The following DLG2 variants were observed in gnomAD, a reference collection of about 807,000 sequenced individuals.
DLG2 encodes the protein discs large MAGUK scaffold protein 2.
DLG2 carries 45 observed loss-of-function variants against 132.5 expected under a neutral mutation model. That is an observed-to-expected ratio of 0.34 (90% CI 0.27 to 0.44). The LOEUF (loss-of-function observed/expected upper bound fraction) is 0.44, where lower values mean the gene tolerates loss of function less well. Ranked by LOEUF, DLG2 falls within the 20% of genes least tolerant of loss-of-function variation. The pLI, the probability that DLG2 is intolerant of heterozygous loss-of-function variation, is 1.00. For synonymous variants in DLG2, 424 were observed against 419.6 expected (o/e 1.01, Z -0.13); for missense variants, 1,045 against 1,196.9 (o/e 0.87, Z 1.87).
intron 6 of DLG2, among the ~76,000 whole-genome samples, chr11:84,685,204 A>C (rs1016621211): frequency 1.3e-5 from 2 of 152,146 alleles, no homozygotes; most frequent in African/African-American, 4.8e-5. Context: ...CATACCATCC[A>C]ACTTCAGTTT....
intron 6 of DLG2, among the ~76,000 whole-genome samples, chr11:84,979,021 A>G (rs1415744405): frequency 2.0e-5 from 3 of 152,208 alleles, no homozygotes; most frequent in Non-Finnish European, 4.4e-5. Flanking sequence ...ACACTTCTCA[A>G]AATAAGACAT....
intron 15 of DLG2, among the ~76,000 whole-genome samples, chr11:83,927,414 G>A (rs2079179791): frequency 6.6e-6 from 1 of 152,114 alleles, no homozygotes; most frequent in Non-Finnish European, 1.5e-5. Context: ...CTCTGAAGAC[G>A]TGCAATTTAA....
intron 6 of DLG2, among the ~76,000 whole-genome samples, chr11:84,781,837 A>G (rs2153910408): frequency 6.6e-6 from 1 of 152,278 alleles, no homozygotes; most frequent in South Asian, 2.1e-4. Flanking sequence ...TTAGTAGTCG[A>G]GAGATTCCAA....
intron 4 of DLG2, among the ~76,000 whole-genome samples, chr11:85,221,046 CT>C (rs375581362): frequency 1.7e-3 from 239 of 142,810 alleles, no homozygotes; most frequent in Middle Eastern, 7.3e-3. Flanking sequence ...GTCAAACTTT[CT>C]TTTTTTTTTT....
At chr11:85,047,841 C>T (rs2062497597) in intron 6 of DLG2, among the ~76,000 whole-genome samples, 1 of 151,822 alleles carries the variant, frequency 6.6e-6, no homozygotes, top group Non-Finnish European at 1.5e-5. Context: ...CAAAAAATCA[C>T]CAGTAAATGT....
intron 7 of DLG2, among the ~76,000 whole-genome samples, chr11:84,489,267 T>C (rs2099158524): frequency 6.6e-6 from 1 of 152,138 alleles, no homozygotes; most frequent in South Asian, 2.1e-4. Flanking sequence ...TGATTATTTA[T>C]GTTCCGAAGG....
At chr11:85,533,066 C>G (rs1391031985) in intron 3 of DLG2, among the ~76,000 whole-genome samples, 1 of 152,100 alleles carries the variant, frequency 6.6e-6, no homozygotes, top group Non-Finnish European at 1.5e-5. Context: ...GTCTATCACT[C>G]AGGCTGAAGT....
intron 22 of DLG2, among the ~76,000 whole-genome samples, chr11:83,482,942 G>T (rs1478345985): frequency 6.6e-6 from 1 of 152,122 alleles, no homozygotes; most frequent in Non-Finnish European, 1.5e-5. Context: ...CTCTATGGAG[G>T]TATTAAGCGG....
intron 6 of DLG2, among the ~76,000 whole-genome samples, chr11:84,557,676 A>G (rs529348312): frequency 6.7e-6 from 1 of 149,694 alleles, no homozygotes; most frequent in East Asian, 2.0e-4. Context: ...TTTTTTTCTG[A>G]GAGAGATATT....
At chr11:83,729,593 A>G (rs935647192) in intron 18 of DLG2, among the ~76,000 whole-genome samples, 5 of 152,200 alleles carry the variant, frequency 3.3e-5, no homozygotes, top group African/African-American at 4.8e-5. Flanking sequence ...AAGTTCTTCA[A>G]ACCAGCTGGA....
rs966738550 is a variant in DLG2 at position 84,488,841 on chromosome 11, C to T, written c.519+45729G>A. ...CTTTTAAAGGTCTGTGACTGTACACCTAAATAAATGTTAAATATTTGTAGA... is the reference window on the plus strand; with the variant it reads ...CTTTTAAAGGTCTGTGACTGTACACTTAAATAAATGTTAAATATTTGTAGA... On this transcript the variant is annotated intron_variant, in intron 7 of 27. Transcript: ENST00000376104. Among the ~76,000 whole-genome samples the T allele has an allele frequency of 8.5e-5, 13 of 152,078 alleles. 1 individual carries two copies. Among genetic ancestry groups the T allele is most frequent in the African/African-American group, 3.1e-4 (13 of 41,396 alleles).
intron 3 of DLG2, among the ~76,000 whole-genome samples, chr11:85,315,168 A>G (rs1430337820): frequency 6.6e-6 from 1 of 151,998 alleles, no homozygotes; most frequent in Non-Finnish European, 1.5e-5. Flanking sequence ...CACCAGCACC[A>G]AAACAAGTCC....
At chr11:85,504,140 A>C (rs1248942705) in intron 3 of DLG2, among the ~76,000 whole-genome samples, 3 of 151,988 alleles carry the variant, frequency 2.0e-5, no homozygotes, top group Non-Finnish European at 4.4e-5. Flanking sequence ...AGATTGCAAA[A>C]ATTTTCTCCC....
chr11:84,130,527 T>C (rs866518137), intron 9 of DLG2, among the ~76,000 whole-genome samples: 99 of 106,848 alleles, frequency 9.3e-4, no homozygotes, highest in Admixed American at 1.5e-3. Context: ...CACACACATA[T>C]ATGTGTGTGT....
intron 11 of DLG2, among the ~76,000 whole-genome samples, chr11:84,052,520 TA>T (rs2096409816): frequency 6.6e-6 from 1 of 150,714 alleles, no homozygotes; most frequent in South Asian, 2.1e-4. Context: ...ACAACCCCAT[TA>T]AAAAGTGGGC....
At chr11:84,921,967 C>T (rs933926557) in intron 6 of DLG2, among the ~76,000 whole-genome samples, 1 of 151,958 alleles carries the variant, frequency 6.6e-6, no homozygotes, top group Non-Finnish European at 1.5e-5. Flanking sequence ...AGAATGCTTC[C>T]GGGTTGTAGT....
chr11:84,464,612 T>C (rs938748426), intron 7 of DLG2, among the ~76,000 whole-genome samples: 2 of 151,120 alleles, frequency 1.3e-5, no homozygotes, highest in African/African-American at 4.8e-5. Context: ...AATTATGAGT[T>C]TGCCTGCATC....
chr11:84,686,325 C>G (rs2099738126), intron 6 of DLG2, among the ~76,000 whole-genome samples: 1 of 152,190 alleles, frequency 6.6e-6, no homozygotes, highest in South Asian at 2.1e-4. Flanking sequence ...TTTTAATACG[C>G]AACTTCCTTG....
At chr11:83,964,978 T>C (rs886173836) in intron 13 of DLG2, among the ~76,000 whole-genome samples, 1 of 151,984 alleles carries the variant, frequency 6.6e-6, no homozygotes, top group African/African-American at 2.4e-5. Flanking sequence ...ACTACAGAGA[T>C]CTGAAGTTGG....
Sources: gnomAD v4.1 joint callset for allele counts (sites outside exome capture counted in the v4.1 genomes callset) on GRCh38, gnomAD v4.1.1 for gene constraint, MANE v1.5 for transcripts, NCBI Gene and HGNC (gene_info 2026-07-23, HGNC 2026-07-21) for gene names.